Variants in ETHE1 observed in about 807,000 individuals in gnomAD.
ETHE1 encodes the protein persulfide dioxygenase ETHE1, mitochondrial.
ETHE1 carries 16 observed loss-of-function variants against 25.7 expected under a neutral mutation model. That is an observed-to-expected ratio of 0.62 (90% CI 0.42 to 0.95). The LOEUF (loss-of-function observed/expected upper bound fraction) is 0.95. Ranked by LOEUF, ETHE1 falls within the 40% of genes least tolerant of loss-of-function variation. ETHE1 has a pLI of 0.00. For synonymous variants in ETHE1, 139 were observed against 135.9 expected (o/e 1.02, Z -0.16); for missense variants, 300 against 333.6 (o/e 0.90, Z 0.79).
At chr19:43,519,690 T>G (rs1004293434) in intron 3 of ETHE1, among the ~76,000 whole-genome samples, 3 of 152,112 alleles carry the variant, frequency 2.0e-5, no homozygotes, top group African/African-American at 7.2e-5. Flanking sequence ...GCAAGTAAGC[T>G]CTCAGCTTCT....
At chr19:43,520,804 G>C (rs977124892) in intron 3 of ETHE1, among the ~76,000 whole-genome samples, 17 of 152,042 alleles carry the variant, frequency 1.1e-4, no homozygotes, top group Non-Finnish European at 2.2e-4. Flanking sequence ...AAAGGAGGAA[G>C]TATTGAAACC....
chr19:43,511,297 A>C, intron 4 of ETHE1, 140 bp downstream of exon 4: 2 of 1,330,780 alleles, frequency 1.5e-6, no homozygotes, highest in Admixed American at 1.9e-5. Flanking sequence ...CCACTGTTCT[A>C]GCAGGTAAAC....
Position 43,515,597 on chromosome 19 carries a change from C to T in ETHE1, c.376-4031G>A, listed in dbSNP as rs574108219. ...CTGTTTTGTTTTGTTTTGTTTTGGA[C>T]GGAGTCTGGCTCTGTCACCCAGACT... is the stretch of plus-strand genomic sequence containing the variant. On this transcript the variant is annotated intron_variant, in intron 3 of 6. Coordinates refer to ENST00000292147, the MANE Select transcript of ETHE1 (RefSeq NM_014297.5). 2.3e-4 allele frequency among the ~76,000 whole-genome samples: 34 copies of T among 149,964 alleles called. No homozygotes were observed. In the East Asian group the frequency reaches 3.3e-3, roughly 15 times the overall value.
Position 43,507,963 on chromosome 19 carries a change from C to A in ETHE1, c.693G>T (p.Leu231Phe). ...EFVKIMGNLN[L>F]PKPQQIDFAV... is the part of the protein sequence containing the mutation. ...GCTCACCTATCTGCTGAGGTTTAGG[C>A]AAGTTCAGGTTGCCCATGATTTTGA... The change falls in exon 6 of 7, where the codon TTG becomes TTT. Residue 231 changes from leucine to phenylalanine, a missense_variant. Physicochemically the swap from Leu to Phe is conservative, Grantham distance 22. Coordinates refer to ENST00000292147, the MANE Select transcript of ETHE1 (RefSeq NM_014297.5). The A allele has an allele frequency of 6.2e-7, 1 of 1,614,064 alleles. No homozygotes were observed. The highest frequency in any genetic ancestry group is 1.1e-5 in the South Asian group (1 of 91,066).
intron 1 of ETHE1, 154 bp from the exon 2 acceptor site, chr19:43,526,813 C>A: frequency 2.0e-6 from 3 of 1,512,012 alleles, no homozygotes; most frequent in Non-Finnish European, 2.7e-6. Flanking sequence ...AGCCCCACTA[C>A]CTTCCCCTAT....
chr19:43,507,416 C>T (rs144745026), intron 6 of ETHE1, among the ~76,000 whole-genome samples: 9,212 of 59,384 alleles, frequency 0.16, 1,296 homozygotes, highest in Non-Finnish European at 0.17. Context: ...AGTCCCTCCT[C>T]CCTCAGACCC....
chr19:43,513,038 A>G (rs963917016), intron 3 of ETHE1, among the ~76,000 whole-genome samples: 4 of 152,230 alleles, frequency 2.6e-5, no homozygotes. Flanking sequence ...AGAGGGTGCA[A>G]GCCCCAAGCC....
At chr19:43,516,627 T>TTC (rs1555763745) in intron 3 of ETHE1, among the ~76,000 whole-genome samples, 13 of 142,866 alleles carry the variant, frequency 9.1e-5, no homozygotes, top group South Asian at 2.3e-4. Flanking sequence ...TTTTTTCTTT[T>TTC]TTTTTTTTTT....
At chr19:43,526,915 C>T (rs1326731248) in intron 1 of ETHE1, 182 bp downstream of exon 1, 7 of 1,480,926 alleles carry the variant, frequency 4.7e-6, no homozygotes, top group Non-Finnish European at 6.2e-6. Flanking sequence ...GCCCCAAGCC[C>T]AGAGGCCCCC....
intron 5 of ETHE1, 125 bp downstream of exon 5, chr19:43,508,650 C>T: frequency 1.2e-6 from 1 of 855,454 alleles, no homozygotes; most frequent in Non-Finnish European, 1.9e-6. Context: ...GCCTCAAACA[C>T]TTAATTTTTT....
chr19:43,527,105 G>A lies in ETHE1; in HGVS notation c.73C>T (p.Leu25=). 1 of 1,557,292 alleles carries A rather than the reference G, an allele frequency of 6.4e-7. No homozygotes were observed. Among genetic ancestry groups the A allele is most frequent in the African/African-American group, 1.4e-5 (1 of 73,688 alleles). ...GGTCCAGCCACCCGCACCTGCCGCAGGAGGATGGGGGCTCCAGACCCGCCG... is the reference window on the plus strand; with the variant it reads ...GGTCCAGCCACCCGCACCTGCCGCAAGAGGATGGGGGCTCCAGACCCGCCG... The part of the protein sequence containing the change: ...QRGGSGAPIL[L]RQMFEPVSCT... The change falls in exon 1 of 7, where the codon CTG becomes TTG. Residue 25 remains leucine, a synonymous_variant. Coordinates refer to ENST00000292147, the MANE Select transcript of ETHE1 (RefSeq NM_014297.5).
Position 43,508,875 on chromosome 19 carries a change from A to G in ETHE1, c.506-11T>C, listed in dbSNP as rs1599984768. The stretch of plus-strand genomic sequence containing the variant: ...AGGTCTTGGCACAGCCTGGGGAAGG[A>G]AAGATCAGAGGTCAGTGGATCAACA... On this transcript the variant is annotated splice_polypyrimidine_tract_variant and intron_variant, in intron 4 of 6. Coordinates refer to ENST00000292147, the MANE Select transcript of ETHE1 (RefSeq NM_014297.5). 6.3e-7 allele frequency: 1 copy of G among 1,596,524 alleles called. No individual in the cohort carries two copies. The highest frequency in any genetic ancestry group is 8.5e-7 in the Non-Finnish European group (1 of 1,170,530).
intron 5 of ETHE1, among the ~76,000 whole-genome samples, chr19:43,508,530 G>A (rs1193174120): frequency 6.6e-6 from 1 of 151,962 alleles, no homozygotes; most frequent in East Asian, 1.9e-4. Context: ...GTAGAGGCAG[G>A]GTTTTGCCAT....
intron 3 of ETHE1, among the ~76,000 whole-genome samples, chr19:43,524,156 T>TAG (rs377419304): frequency 1.1e-3 from 163 of 151,110 alleles, no homozygotes; most frequent in African/African-American, 3.9e-3. Context: ...TAAGCTGAGA[T>TAG]AGCGCCATTG....
chr19:43,515,906 A>G (rs1218059979), intron 3 of ETHE1, among the ~76,000 whole-genome samples: 1 of 152,172 alleles, frequency 6.6e-6, no homozygotes, highest in African/African-American at 2.4e-5. Flanking sequence ...CTGATAATCA[A>G]GAAGGCTACT....
intron 2 of ETHE1, 34 bp downstream of exon 2, chr19:43,526,481 C>T: frequency 6.2e-7 from 1 of 1,608,062 alleles, no homozygotes; most frequent in Non-Finnish European, 8.5e-7. Flanking sequence ...AGCCCAGCCC[C>T]GCTGGGATCC....
Position 43,526,191 on chromosome 19 carries a change from C to T in ETHE1, c.375+10G>A, listed in dbSNP as rs780974746. ...CCACCACCCTCTTGGGGACCCAGCACCCAACTCACGAAGCGCCCGAAGCGG... is the reference window on the plus strand; with the variant it reads ...CCACCACCCTCTTGGGGACCCAGCATCCAACTCACGAAGCGCCCGAAGCGG... On this transcript the variant is annotated intron_variant, in intron 3 of 6. Coordinates refer to ENST00000292147, the MANE Select transcript of ETHE1 (RefSeq NM_014297.5). The T allele has an allele frequency of 6.2e-7, 1 of 1,614,110 alleles. No individual in the cohort carries two copies. Among genetic ancestry groups the T allele is most frequent in the Non-Finnish European group, 8.5e-7 (1 of 1,180,010 alleles).
chr19:43,518,751 CAAAAA>C (rs34214132), intron 3 of ETHE1, among the ~76,000 whole-genome samples: 22 of 77,604 alleles, frequency 2.8e-4, no homozygotes, highest in Admixed American at 5.0e-4. Flanking sequence ...ACTCTTGTCT[CAAAAA>C]AAAAAAAAAA....
At chr19:43,527,049 C>T (rs796886600) in intron 1 of ETHE1, 48 bp downstream of exon 1, 13 of 1,543,364 alleles carry the variant, frequency 8.4e-6, no homozygotes, top group Middle Eastern at 1.7e-4. Flanking sequence ...TCCGTCCTTG[C>T]TGCCGCCTAG....
Sources: allele counts gnomAD v4.1 joint callset (sites outside exome capture counted in the v4.1 genomes callset), GRCh38; gene constraint gnomAD v4.1.1; transcripts MANE v1.5; gene names NCBI Gene and HGNC (gene_info 2026-07-23, HGNC 2026-07-21).